The following LRRC4B variants were observed in gnomAD, a reference collection of about 807,000 sequenced individuals.
LRRC4B encodes leucine rich repeat containing 4B.
LRRC4B carries 1 observed loss-of-function variant against 7.3 expected under a neutral mutation model. The observed-to-expected ratio is 0.14, with a 90% confidence interval of 0.05 to 0.65. LRRC4B has a LOEUF of 0.65. LRRC4B is among the 30% of genes least tolerant of loss of function. The probability of loss-of-function intolerance (pLI) is 0.84; values close to 1 mark genes in which losing one functional copy is unlikely to be tolerated. For missense variants in LRRC4B, 730 were observed against 1,041.6 expected, an observed-to-expected ratio of 0.70 and a Z score of 4.12; for synonymous variants, 500 against 499.2, an observed-to-expected ratio of 1.00 and a Z score of -0.02.
intron 2 of LRRC4B, among the ~76,000 whole-genome samples, chr19:50,522,342 C>T (rs1420245532): frequency 6.6e-6 from 1 of 152,076 alleles, no homozygotes; most frequent in Non-Finnish European, 1.5e-5. Context: ...AGTCCTTATT[C>T]GATACCTGCA....
chr19:50,552,066 T>G (rs1982090893), intron 1 of LRRC4B, among the ~76,000 whole-genome samples: 1 of 151,984 alleles, frequency 6.6e-6, no homozygotes, highest in Non-Finnish European at 1.5e-5. Context: ...GGAGGAAGGT[T>G]GCCGGCTGGG....
At chr19:50,524,219 T>C (rs941763838) in intron 2 of LRRC4B, among the ~76,000 whole-genome samples, 1 of 151,872 alleles carries the variant, frequency 6.6e-6, no homozygotes, top group African/African-American at 2.4e-5. Flanking sequence ...CCAATAGAAA[T>C]AGAATGTGAA....
chr19:50,526,597 C>T (rs1437604678), intron 2 of LRRC4B, among the ~76,000 whole-genome samples: 2 of 152,088 alleles, frequency 1.3e-5, no homozygotes, highest in Non-Finnish European at 2.9e-5. Context: ...AATCCCAGCA[C>T]TTTGGGAGGC....
At chr19:50,541,487 A>T (rs1464200164) in intron 2 of LRRC4B, among the ~76,000 whole-genome samples, 1 of 152,234 alleles carries the variant, frequency 6.6e-6, no homozygotes, top group African/African-American at 2.4e-5. Flanking sequence ...CCCTGGTGCC[A>T]AAAGGGTTGG....
rs1173919963 is a variant in LRRC4B, at chr19:50,520,203, C to CAAAAAAAAAAAAAAA, written c.298-803_298-789dup. Among the ~76,000 whole-genome samples, 20 of 9,378 alleles carry CAAAAAAAAAAAAAAA rather than the reference C, an allele frequency of 2.1e-3. 3 individuals carry two copies. Among genetic ancestry groups the CAAAAAAAAAAAAAAA allele is most frequent in the Non-Finnish European group, 3.8e-3 (20 of 5,264 alleles). 6.2% of individuals were successfully genotyped at this position (9,378 alleles called of 152,430 possible). ...CCTGGGCAATGAAGTAATACCCTGT[C>CAAAAAAAAAAAAAAA]AAAAAAAAAAAAAAAAAAAAAAAAA... On this transcript the variant is annotated intron_variant, in intron 2 of 2. Coordinates refer to ENST00000652263, the MANE Select transcript of LRRC4B (RefSeq NM_001080457.2).
Position 50,553,529 on chromosome 19 carries a change from C to T in LRRC4B, c.-35-4656G>A, listed in dbSNP as rs564013215. On this transcript the variant is annotated intron_variant, in intron 1 of 2. Transcript: ENST00000652263. The surrounding 1 kb of genome is among the most constrained non-coding windows in gnomAD (Gnocchi z 4.2). ...CTCTTTGCCGGTTGTCCACAGGGCT[C>T]TTGCCCTGCTCTCTATCAGGTCCGT... Among the ~76,000 whole-genome samples, 5 of 152,342 alleles carry T rather than the reference C, an allele frequency of 3.3e-5. No homozygotes were observed. The highest frequency in any genetic ancestry group is 3.9e-4 in the East Asian group (2 of 5,186).
At chr19:50,520,224 A>G (rs1332705071) in intron 2 of LRRC4B, among the ~76,000 whole-genome samples, 1 of 72,636 alleles carries the variant, frequency 1.4e-5, no homozygotes, top group African/African-American at 5.9e-5. Flanking sequence ...AAAAAAAAAA[A>G]AAAAAAAAAA....
In LRRC4B at chr19:50,551,260, C is replaced by G. The variant is rs376750692; in HGVS notation, c.-35-2387G>C. Among the ~76,000 whole-genome samples, 12 of 151,896 alleles carry G rather than the reference C, an allele frequency of 7.9e-5. 2 individuals carry two copies. The highest frequency in any genetic ancestry group is 6.5e-4 in the Admixed American group (10 of 15,268). Reference sequence around the variant, plus strand: ...CCCCCTCCACATGCCTCCGGCCAGCCGGGGTCTCTGCCTCCCCAGTTCTCC... The same window carrying G: ...CCCCCTCCACATGCCTCCGGCCAGCGGGGGTCTCTGCCTCCCCAGTTCTCC... On this transcript the variant is annotated intron_variant, in intron 1 of 2. Transcript: ENST00000652263.
At chr19:50,559,241 C>T (rs762570999) in intron 1 of LRRC4B, among the ~76,000 whole-genome samples, 1 of 152,172 alleles carries the variant, frequency 6.6e-6, no homozygotes. Flanking sequence ...TTGAGACCAG[C>T]CTGACCAACA....
In LRRC4B at chr19:50,561,607, C is replaced by T. The variant is rs1278879933; in HGVS notation, c.-36+6337G>A. ...AAAATTAGCTGGGTGTGGTGGTGCA[C>T]GCCTGTAATCCCTGCTACTTGGGAG... On this transcript the variant is annotated intron_variant, in intron 1 of 2. Transcript: ENST00000652263. Among the ~76,000 whole-genome samples, 3 of 152,042 alleles carry T rather than the reference C, an allele frequency of 2.0e-5. 1 individual carries two copies. Among genetic ancestry groups the T allele is most frequent in the East Asian group, 1.9e-4 (1 of 5,156 alleles).
In LRRC4B at chr19:50,517,946, G is replaced by A. The variant is rs757023801; in HGVS notation, c.1767C>T (p.Ala589=). 31 of 1,555,214 alleles carry A rather than the reference G, an allele frequency of 2.0e-5. No homozygotes were observed. In the South Asian group the frequency reaches 3.4e-4, roughly 17 times the overall value. The change falls in exon 3 of 3, where the codon GCC becomes GCT. Residue 589 remains alanine, a synonymous_variant. Transcript: ENST00000652263. The surrounding 1 kb of genome is among the most constrained non-coding windows in gnomAD (Gnocchi z 6.6). The stretch of plus-strand genomic sequence containing the variant: ...TGTAGAAGGCCACGAGCATCACCGC[G>A]GCCATGAACGTGATGGCCACGAAGC... ...IGCFVAITFM[A]AVMLVAFYKL...
chr19:50,536,466 G>C (rs1221020755), intron 2 of LRRC4B, among the ~76,000 whole-genome samples: 1 of 152,200 alleles, frequency 6.6e-6, no homozygotes, highest in Non-Finnish European at 1.5e-5. Context: ...ACCTCTTTCT[G>C]CACGCAGTGT....
At chr19:50,541,764 G>A (rs1271396605) in intron 2 of LRRC4B, among the ~76,000 whole-genome samples, 4 of 152,150 alleles carry the variant, frequency 2.6e-5, no homozygotes, top group Admixed American at 2.6e-4. Context: ...CCTACGGCCC[G>A]GCAATTCCCT....
intron 2 of LRRC4B, among the ~76,000 whole-genome samples, chr19:50,546,547 G>A (rs1006740896): frequency 6.6e-6 from 1 of 152,098 alleles, no homozygotes; most frequent in African/African-American, 2.4e-5. Context: ...TGGGTGGGGA[G>A]GATGAGAAAT....
Position 50,552,589 on chromosome 19 carries a change from T to TGTCC in LRRC4B, c.-35-3720_-35-3717dup, listed in dbSNP as rs1568733781. On this transcript the variant is annotated intron_variant, in intron 1 of 2. Coordinates refer to ENST00000652263, the MANE Select transcript of LRRC4B (RefSeq NM_001080457.2). ...CCGTCCACCCATCCGTCCATCCATC[T>TGTCC]GTCCATCCATCCATCCATCCATCCA... is the stretch of plus-strand genomic sequence containing the variant. Among the ~76,000 whole-genome samples the TGTCC allele has an allele frequency of 1.8e-3, 183 of 104,476 alleles. 1 individual carries two copies. Among genetic ancestry groups the TGTCC allele is most frequent in the African/African-American group, 6.9e-3 (173 of 25,206 alleles). 68.5% of individuals were successfully genotyped at this position (104,476 alleles called of 152,430 possible).
chr19:50,558,222 CACACAT>C (rs1305190944), intron 1 of LRRC4B, among the ~76,000 whole-genome samples: 25 of 149,172 alleles, frequency 1.7e-4, no homozygotes, highest in Non-Finnish European at 2.7e-4. Context: ...CACACACACA[CACACAT>C]ACACACACAC....
At chr19:50,541,965 C>T (rs1294076838) in intron 2 of LRRC4B, among the ~76,000 whole-genome samples, 1 of 152,136 alleles carries the variant, frequency 6.6e-6, no homozygotes, top group African/African-American at 2.4e-5. Flanking sequence ...ACACACACAG[C>T]AATATGAACC....
chr19:50,562,798 G>A (rs990174271), intron 1 of LRRC4B, among the ~76,000 whole-genome samples: 95 of 147,572 alleles, frequency 6.4e-4, no homozygotes, highest in African/African-American at 2.3e-3. Flanking sequence ...GGAGTACAAT[G>A]GGCATGATCT....
chr19:50,550,504 C>T lies in LRRC4B; in HGVS notation c.-35-1631G>A, dbSNP rs1982009971. On this transcript the variant is annotated intron_variant, in intron 1 of 2. Coordinates refer to ENST00000652263, the MANE Select transcript of LRRC4B (RefSeq NM_001080457.2). ...ACTCTCAGGACCCCCGACACAGGCT[C>T]ACCCCCAGGCACACGGCTATGCACA... Among the ~76,000 whole-genome samples, 3 of 152,014 alleles carry T rather than the reference C, an allele frequency of 2.0e-5. No homozygotes were observed. In the East Asian group the frequency reaches 5.8e-4, roughly 30 times the overall value.
Sources: allele counts gnomAD v4.1 joint callset (sites outside exome capture counted in the v4.1 genomes callset), GRCh38; gene constraint gnomAD v4.1.1; non-coding constraint Gnocchi (gnomAD v3.1); transcripts MANE v1.5; gene names NCBI Gene and HGNC (gene_info 2026-07-23, HGNC 2026-07-21).